TMEM268: variants seen among roughly 807,000 people sequenced by gnomAD.
TMEM268 encodes the protein transmembrane protein 268, also known as transmembrane protein C9orf91.
Under a neutral mutation model 39.1 loss-of-function variants are expected in TMEM268, and 24 were observed. That is an observed-to-expected ratio of 0.61 (90% confidence interval 0.44 to 0.86). The LOEUF (loss-of-function observed/expected upper bound fraction) is 0.86, where lower values mean the gene tolerates loss of function less well. Ranked by LOEUF, TMEM268 falls within the 40% of genes least tolerant of loss-of-function variation. The pLI is 0.00. For missense variants in TMEM268, 409 were observed against 428.6 expected, an observed-to-expected ratio of 0.95 and a Z score of 0.40; for synonymous variants, 176 against 173.5, an observed-to-expected ratio of 1.01 and a Z score of -0.12.
In TMEM268 at chr9:114,645,803, A is replaced by C. The variant is rs1827549421; in HGVS notation, c.*2490A>C. The C allele has an allele frequency of 6.6e-6, 1 of 152,232 alleles. No homozygotes were observed. The highest frequency in any genetic ancestry group is 2.1e-4 in the South Asian group (1 of 4,834). The allele number at this position is 152,232 out of a possible 1,614,324, so 9.4% of individuals were successfully genotyped here. A position where few individuals can be genotyped will look rare whatever the true frequency, so the allele number is the denominator to read the frequency against. On this transcript the variant is annotated 3_prime_UTR_variant, in exon 9 of 9. Transcript: ENST00000288502. ...GTCTCACCTGGTGGGTGGGGCTTTCAGGGTATGCCCACAATGTACATTTCT... is the reference window on the plus strand; with the variant it reads ...GTCTCACCTGGTGGGTGGGGCTTTCCGGGTATGCCCACAATGTACATTTCT...
chr9:114,630,372 T>C (rs956134039), intron 5 of TMEM268, among the ~76,000 whole-genome samples: 1 of 152,218 alleles, frequency 6.6e-6, no homozygotes, highest in Admixed American at 6.5e-5. Flanking sequence ...AAGGCTTGTG[T>C]GCAGCATGGA....
chr9:114,631,282 C>CAAAAAAAAAAAAAAA (rs3035421), intron 5 of TMEM268, among the ~76,000 whole-genome samples: 2 of 130,180 alleles, frequency 1.5e-5, no homozygotes, highest in African/African-American at 3.0e-5. Flanking sequence ...CAGCCTGCCT[C>CAAAAAAAAAAAAAAA]AAAAAAAAAA....
intron 6 of TMEM268, among the ~76,000 whole-genome samples, chr9:114,634,234 C>T (rs1206707985): frequency 6.6e-6 from 1 of 152,208 alleles, no homozygotes; most frequent in Non-Finnish European, 1.5e-5. Context: ...CCTGTCCTGG[C>T]AGAGGATGAC....
Position 114,645,369 on chromosome 9 carries a change from A to G in TMEM268, c.*2056A>G, listed in dbSNP as rs1315921617. Reference sequence around the variant, plus strand: ...TCTGATTGTCATTTCGCTTTTTAATAAAGTGGGTCTGGTGAACAAGAAATG... The same window carrying G: ...TCTGATTGTCATTTCGCTTTTTAATGAAGTGGGTCTGGTGAACAAGAAATG... On this transcript the variant is annotated 3_prime_UTR_variant, in exon 9 of 9. Transcript: ENST00000288502. 1 of 152,346 alleles carries G rather than the reference A, an allele frequency of 6.6e-6. No individual in the cohort carries two copies. Among genetic ancestry groups the G allele is most frequent in the Non-Finnish European group, 1.5e-5 (1 of 68,044 alleles). The allele number at this position is 152,346 out of a possible 1,614,324, so 9.4% of individuals were successfully genotyped here. A position where few individuals can be genotyped will look rare whatever the true frequency, so the allele number is the denominator to read the frequency against.
At chr9:114,621,452 G>C (rs1223551919) in intron 2 of TMEM268, among the ~76,000 whole-genome samples, 1 of 152,196 alleles carries the variant, frequency 6.6e-6, no homozygotes, top group Non-Finnish European at 1.5e-5. Context: ...GGGATTCAGT[G>C]ATGAACAAAC....
chr9:114,608,983 C>T (rs1845402081), upstream of TMEM268, among the ~76,000 whole-genome samples: 1 of 152,004 alleles, frequency 6.6e-6, no homozygotes. Context: ...CTGAGAGTTT[C>T]CCAACAATTT....
At chr9:114,604,670 A>G in the TMEM268 span, among the ~76,000 whole-genome samples, 9 of 152,102 alleles carry the variant, frequency 5.9e-5, no homozygotes, top group African/African-American at 2.2e-4. Context: ...AATTCCCTGA[A>G]GAATTACCCC....
intron 2 of TMEM268, 22 bp from the exon 3 acceptor site, chr9:114,624,328 G>T: frequency 6.3e-7 from 1 of 1,577,170 alleles, no homozygotes; most frequent in Non-Finnish European, 8.6e-7. Context: ...TCAGCCAGAT[G>T]AAGCTTCTGG....
Position 114,631,804 on chromosome 9 carries a change from A to G in TMEM268, c.475-1964A>G, listed in dbSNP as rs371738360. ...TTCAGTGTACATTAAACTCATGCAA[A>G]CAATCACGTTAAGTGGCTGGGCGTG... is the stretch of plus-strand genomic sequence containing the variant. On this transcript the variant is annotated intron_variant, in intron 5 of 8. Coordinates refer to ENST00000288502, the MANE Select transcript of TMEM268 (RefSeq NM_153045.4). 2.6e-5 allele frequency among the ~76,000 whole-genome samples: 4 copies of G among 152,118 alleles called. No homozygotes were observed. The East Asian group carries it at 7.7e-4, about 29-fold the overall frequency.
At chr9:114,610,038 T>G (rs1041785148), upstream of TMEM268, among the ~76,000 whole-genome samples, 1 of 149,498 alleles carries the variant, frequency 6.7e-6, no homozygotes, top group East Asian at 2.0e-4. Context: ...TCGCGGTTTT[T>G]GCAATTTTTT....
At position 114,638,722 on chromosome 9, in the gene TMEM268, C is replaced by T. The variant is rs188858077; in HGVS notation, c.845C>T (p.Pro282Leu). ...CATCAGCTTGTTCCTGAGGCTGAGC[C>T]GGAGGTAACAGGCACTGGGGCTTGT... ...ELHQLVPEAE[P>L]EEMARQLLAV... is the part of the protein sequence containing the mutation. Residue 282 changes from proline (P) to leucine (L), a missense_variant, in exon 8 of 9, where the codon CCG becomes CTG. Coordinates refer to ENST00000288502, the MANE Select transcript of TMEM268 (RefSeq NM_153045.4). 32 of 1,574,426 alleles carry T rather than the reference C, an allele frequency of 2.0e-5. No homozygotes were observed. The highest frequency in any genetic ancestry group is 2.4e-5 in the South Asian group (2 of 84,950).
At chr9:114,636,928 A>T (rs1564299840) in intron 6 of TMEM268, 62 bp from the exon 7 acceptor site, 1 of 1,040,174 alleles carries the variant, frequency 9.6e-7, no homozygotes, top group Non-Finnish European at 1.5e-6. Flanking sequence ...TGTCTCAGGG[A>T]GGAAGAGTTC....
chr9:114,638,944 T>C (rs1846768616), intron 8 of TMEM268, among the ~76,000 whole-genome samples: 1 of 152,252 alleles, frequency 6.6e-6, no homozygotes, highest in Non-Finnish European at 1.5e-5. Context: ...GGACTTTTTG[T>C]TGCATTATTT....
At chr9:114,614,492 C>T (rs1363242742) in intron 1 of TMEM268, among the ~76,000 whole-genome samples, 1 of 152,104 alleles carries the variant, frequency 6.6e-6, no homozygotes, top group African/African-American at 2.4e-5. Context: ...CGCATTGGGC[C>T]CATTCTGTAG....
chr9:114,619,971 G>A (rs978953782), intron 2 of TMEM268, among the ~76,000 whole-genome samples: 4 of 152,024 alleles, frequency 2.6e-5, no homozygotes, highest in Non-Finnish European at 5.9e-5. Flanking sequence ...CACTTTGGGA[G>A]GCCTAGGTGG....
In TMEM268 at chr9:114,628,138, C is replaced by T; in HGVS notation, c.362C>T (p.Thr121Ile). The T allele has an allele frequency of 6.2e-7, 1 of 1,614,176 alleles. No homozygotes were observed. The highest frequency in any genetic ancestry group is 1.3e-5 in the African/African-American group (1 of 75,036). ...YVVVWANIYS[T>I]SQMFALGNHW... is the part of the protein sequence containing the mutation. ...GTGGTGTGGGCCAATATCTACTCTA[C>T]CAGTCAGATGTTTGCCTTGGGGAAC... The change falls in exon 5 of 9, where the codon ACC (threonine) becomes ATC (isoleucine). Residue 121 changes from threonine to isoleucine, a missense_variant. Thr to Ile is a moderately conservative substitution (Grantham distance 89). Transcript: ENST00000288502.
chr9:114,614,447 A>G (rs1845622979), intron 1 of TMEM268, among the ~76,000 whole-genome samples: 1 of 152,080 alleles, frequency 6.6e-6, no homozygotes, highest in African/African-American at 2.4e-5. Context: ...GAAATTCTTC[A>G]TTATTTTTGT....
At chr9:114,617,574 A>G (rs1253513661) in intron 2 of TMEM268, among the ~76,000 whole-genome samples, 3 of 151,602 alleles carry the variant, frequency 2.0e-5, no homozygotes, top group Non-Finnish European at 4.4e-5. Context: ...TTTCTGATTT[A>G]TTTTTACTTA....
At chr9:114,632,953 T>G (rs1350186343) in intron 5 of TMEM268, among the ~76,000 whole-genome samples, 4 of 152,206 alleles carry the variant, frequency 2.6e-5, no homozygotes, top group African/African-American at 7.2e-5. Context: ...TGTCTGACAC[T>G]ATTGAATTTA....
Sources: allele counts gnomAD v4.1 joint callset (sites outside exome capture counted in the v4.1 genomes callset), GRCh38; gene constraint gnomAD v4.1.1; transcripts MANE v1.5; gene names NCBI Gene and HGNC (gene_info 2026-07-23, HGNC 2026-07-21).